The following SLC66A3 variants were observed in gnomAD, a reference collection of about 807,000 sequenced individuals.
The protein encoded by SLC66A3 is solute carrier family 66 member 3.
In SLC66A3, 23 loss-of-function variants were observed where a neutral mutation model predicts 25.5. That is an observed-to-expected ratio of 0.90 (90% CI 0.65 to 1.28). The LOEUF is 1.28. Ranked by LOEUF, SLC66A3 falls within the 50% of genes most tolerant of loss-of-function variation. The pLI is 0.00. For synonymous variants in SLC66A3, 108 were observed against 112.6 expected, an observed-to-expected ratio of 0.96 and a Z score of 0.26; for missense variants, 246 against 262.1, an observed-to-expected ratio of 0.94 and a Z score of 0.42.
intron 5 of SLC66A3, among the ~76,000 whole-genome samples, chr2:11,173,760 C>G (rs1415612208): frequency 1.3e-5 from 2 of 152,324 alleles, no homozygotes; most frequent in South Asian, 4.1e-4. Flanking sequence ...TCCCAAGTCA[C>G]GCCACTCCCT....
At position 11,160,798 on chromosome 2, in the gene SLC66A3, AACT is replaced by A. The variant is rs144569092; in HGVS notation, c.296+106_296+108del. 235 of 1,365,026 alleles carry A rather than the reference AACT, an allele frequency of 1.7e-4. No individual in the cohort carries two copies. The African/African-American group carries it at 2.0e-3, about 12-fold the overall frequency. 84.6% of individuals were successfully genotyped at this position (1,365,026 alleles called of 1,614,324 possible). On this transcript the variant is annotated intron_variant, in intron 3 of 6. Transcript: ENST00000295083. The stretch of plus-strand genomic sequence containing the variant: ...TTACCAGATGTGTATTTTTTGGTTA[AACT>A]AAAAAAAAAAAAAAAAAAAATCCCA...
At chr2:11,173,345 G>C (rs908732156) in intron 5 of SLC66A3, among the ~76,000 whole-genome samples, 1 of 152,094 alleles carries the variant, frequency 6.6e-6, no homozygotes, top group Non-Finnish European at 1.5e-5. Context: ...TTTTTAATTG[G>C]GTCATTTGAG....
chr2:11,174,158 A>G (rs924855684), intron 5 of SLC66A3, among the ~76,000 whole-genome samples: 1 of 152,036 alleles, frequency 6.6e-6, no homozygotes, highest in Non-Finnish European at 1.5e-5. Context: ...GGGTCTCACC[A>G]TGTTGGTCAG....
intron 1 of SLC66A3, among the ~76,000 whole-genome samples, chr2:11,159,496 G>T (rs1228225537): frequency 6.6e-6 from 1 of 152,210 alleles, no homozygotes; most frequent in Non-Finnish European, 1.5e-5. Flanking sequence ...GCAACACTGT[G>T]ACCTCCTCTG....
At position 11,175,006 on chromosome 2, in the gene SLC66A3, A is replaced by G; in HGVS notation, c.514A>G (p.Thr172Ala). 6.2e-7 allele frequency: 1 copy of G among 1,606,104 alleles called. No homozygotes were observed. Among genetic ancestry groups the G allele is most frequent in the South Asian group, 1.1e-5 (1 of 88,918 alleles). The change falls in exon 6 of 7, where the codon ACA (threonine) becomes GCA (alanine). Residue 172 changes from threonine to alanine, a missense_variant. Thr to Ala is a moderately conservative substitution (Grantham distance 58). Around this residue, in one of 3 missense-constraint regions of SLC66A3, gnomAD observed 93 missense variants for 102.6 expected, o/e 0.91. Transcript: ENST00000295083. ...AACCTTAATGACCACCAATGATTTT[A>G]CAAGTAAGCAAAATATCTTCTCACT... is the stretch of plus-strand genomic sequence containing the variant. Reference protein sequence around the residue: ...ITTLMTTNDFTILLRFVIMLA... With the variant: ...ITTLMTTNDFAILLRFVIMLA...
intron 4 of SLC66A3, among the ~76,000 whole-genome samples, chr2:11,165,120 A>G (rs188469628): frequency 0.092 from 13,458 of 145,598 alleles, 847 homozygotes; most frequent in African/African-American, 0.18. Context: ...GGGCAGAGGC[A>G]CCCCCCACCT....
At chr2:11,168,044 G>A (rs1662407696) in intron 4 of SLC66A3, among the ~76,000 whole-genome samples, 1 of 152,158 alleles carries the variant, frequency 6.6e-6, no homozygotes, top group South Asian at 2.1e-4. Context: ...ACTCTGGGAG[G>A]CCGAGACGGG....
intron 4 of SLC66A3, among the ~76,000 whole-genome samples, chr2:11,164,606 A>G (rs187133394): frequency 0.076 from 11,322 of 148,620 alleles, 637 homozygotes; most frequent in African/African-American, 0.16. Context: ...GCAGGGTCAC[A>G]GGACAATAGT....
At chr2:11,157,841 A>C (rs1457156457) in intron 1 of SLC66A3, among the ~76,000 whole-genome samples, 2 of 152,128 alleles carry the variant, frequency 1.3e-5, no homozygotes, top group Non-Finnish European at 2.9e-5. Context: ...GCAAGTTCCC[A>C]ACCTTGCTGC....
intron 5 of SLC66A3, chr2:11,172,679 T>C (rs1662596393): frequency 1.0e-5 from 4 of 383,150 alleles, no homozygotes; most frequent in South Asian, 8.0e-5. Flanking sequence ...GTTGCTGGTC[T>C]TTATATTCAA....
intron 1 of SLC66A3, among the ~76,000 whole-genome samples, chr2:11,156,176 A>G (rs1338375374): frequency 6.6e-6 from 1 of 152,116 alleles, no homozygotes; most frequent in Non-Finnish European, 1.5e-5. Flanking sequence ...TTTCCTGGTT[A>G]TTTAATGAGA....
intron 1 of SLC66A3, 166 bp from the exon 2 acceptor site, chr2:11,160,300 C>G: frequency 1.5e-6 from 1 of 647,688 alleles, no homozygotes; most frequent in South Asian, 1.8e-5. Flanking sequence ...ACAGATGATT[C>G]AACTGAATTC....
chr2:11,157,587 A>G (rs914205758), intron 1 of SLC66A3, among the ~76,000 whole-genome samples: 1 of 152,184 alleles, frequency 6.6e-6, no homozygotes, highest in African/African-American at 2.4e-5. Flanking sequence ...CCGGAGTTAG[A>G]GCAGAAGGAA....
At chr2:11,159,932 C>T (rs2147983386) in intron 1 of SLC66A3, among the ~76,000 whole-genome samples, 1 of 152,316 alleles carries the variant, frequency 6.6e-6, no homozygotes, top group African/African-American at 2.4e-5. Flanking sequence ...CTCAACCGGG[C>T]AGCTCTTCTG....
intron 4 of SLC66A3, among the ~76,000 whole-genome samples, chr2:11,165,588 G>A (rs1430971129): frequency 1.3e-5 from 2 of 152,086 alleles, no homozygotes; most frequent in African/African-American, 2.4e-5. Flanking sequence ...GCCAGGCAGA[G>A]ACGCTCCTCA....
At chr2:11,159,635 G>A (rs1030149704) in intron 1 of SLC66A3, among the ~76,000 whole-genome samples, 1 of 152,192 alleles carries the variant, frequency 6.6e-6, no homozygotes, top group African/African-American at 2.4e-5. Context: ...CCCCTCCTGT[G>A]TGTTGAAGTC....
At chr2:11,158,903 T>A (rs1572175009) in intron 1 of SLC66A3, among the ~76,000 whole-genome samples, 1 of 152,084 alleles carries the variant, frequency 6.6e-6, no homozygotes, top group Non-Finnish European at 1.5e-5. Context: ...GGAGTTTGAA[T>A]CCCAGGGAAA....
Position 11,155,682 on chromosome 2 carries a change from C to A in SLC66A3, c.136C>A (p.Leu46Met). The stretch of plus-strand genomic sequence containing the variant: ...CAGCCTTCCGAGTTTACTTCTGGAG[C>A]TGGCAGGGTAAGGCCCGGGGCGGCC... Reference protein sequence around the residue: ...GLSLPSLLLELAGFLVFLRYQ... With the variant: ...GLSLPSLLLEMAGFLVFLRYQ... The change falls in exon 1 of 7, where the codon CTG becomes ATG. Residue 46 changes from leucine (L) to methionine (M), a missense_variant. Around this residue, in one of 3 missense-constraint regions of SLC66A3, gnomAD observed 142 missense variants for 130.3 expected, o/e 1.09. Transcript: ENST00000295083. 5.5e-6 allele frequency: 8 copies of A among 1,444,440 alleles called. No individual in the cohort carries two copies. The highest frequency in any genetic ancestry group is 6.3e-6 in the Non-Finnish European group (7 of 1,103,098). 89.5% of individuals were successfully genotyped at this position (1,444,440 alleles called of 1,614,324 possible). A position where few individuals can be genotyped will look rare whatever the true frequency, so the allele number is the denominator to read the frequency against.
rs188557100 is a variant in SLC66A3, at chr2:11,171,725, C to G, written c.355-200C>G. 1.2e-3 allele frequency among the ~76,000 whole-genome samples: 180 copies of G among 152,166 alleles called. 1 individual carries two copies. Among genetic ancestry groups the G allele is most frequent in the African/African-American group, 3.9e-3 (160 of 41,508 alleles). On this transcript the variant is annotated intron_variant, in intron 4 of 6. Transcript: ENST00000295083. ...CTGGGACTACAGGCGCCCACCACCA[C>G]GCCCAGCTAATTTTTTGTATTTTTA... is the stretch of plus-strand genomic sequence containing the variant.
Sources: gnomAD v4.1 joint callset for allele counts (sites outside exome capture counted in the v4.1 genomes callset) on GRCh38, gnomAD v4.1.1 for gene constraint, gnomAD v4.1.1 regional missense constraint, MANE v1.5 for transcripts, NCBI Gene and HGNC (gene_info 2026-07-23, HGNC 2026-07-21) for gene names.